SKP1: variants seen among roughly 807,000 people sequenced by gnomAD.
SKP1 encodes the protein S-phase kinase associated protein 1.
In SKP1, 1 loss-of-function variant was observed where a neutral mutation model predicts 21.5. That is an observed-to-expected ratio of 0.05 (90% CI 0.02 to 0.22). The LOEUF is 0.22. Ranked by LOEUF, SKP1 falls within the 10% of genes least tolerant of loss-of-function variation. The pLI, the probability that SKP1 is intolerant of heterozygous loss-of-function variation, is 1.00. For synonymous variants in SKP1, 59 were observed against 59.3 expected (o/e 0.99, Z 0.03); for missense variants, 70 against 192.0 (o/e 0.36, Z 3.76).
intron 5 of SKP1, 172 bp from the exon 6 acceptor site, chr5:134,157,940 C>T: frequency 6.5e-7 from 1 of 1,532,112 alleles, no homozygotes; most frequent in Non-Finnish European, 8.8e-7. Context: ...CTTTGCCTCC[C>T]ATGGTTTTTA....
At position 134,159,151 on chromosome 5, in the gene SKP1, C is replaced by T. The variant is rs1007302421; in HGVS notation, c.316-556G>A. On this transcript the variant is annotated intron_variant, in intron 4 of 5. Coordinates refer to ENST00000353411, the MANE Select transcript of SKP1 (RefSeq NM_170679.3). ...TTCTTTTCTAATAATATAGGTATTT[C>T]ATTCCATCAATTTCCCTCTAAGTAC... is the stretch of plus-strand genomic sequence containing the variant. Among the ~76,000 whole-genome samples the T allele has an allele frequency of 2.0e-5, 3 of 152,078 alleles. No individual in the cohort carries two copies. The East Asian group carries it at 5.8e-4, about 29-fold the overall frequency.
In SKP1 at chr5:134,167,033, G is replaced by A. The variant is rs1761345591; in HGVS notation, c.171+137C>T. 3.3e-5 allele frequency: 20 copies of A among 609,530 alleles called. No individual in the cohort carries two copies. In the South Asian group the frequency reaches 4.1e-4, roughly 12 times the overall value. 37.8% of individuals were successfully genotyped at this position (609,530 alleles called of 1,614,324 possible). A position where few individuals can be genotyped will look rare whatever the true frequency, so the allele number is the denominator to read the frequency against. Reference sequence around the variant, plus strand: ...ACATACAAACATCACTCAAGTAAGTGTTTAAGAACATTCAAATTTAAATGT... The same window carrying A: ...ACATACAAACATCACTCAAGTAAGTATTTAAGAACATTCAAATTTAAATGT... On this transcript the variant is annotated intron_variant, in intron 3 of 5. Transcript: ENST00000353411.
intron 2 of SKP1, chr5:134,173,689 T>G: frequency 1.7e-6 from 1 of 596,412 alleles, no homozygotes; most frequent in Admixed American, 2.2e-5. Context: ...ATCACTTCAA[T>G]GTTTATTTTA....
rs927280615 is a variant in SKP1, at chr5:134,167,039, G to A, written c.171+131C>T. 20 of 613,182 alleles carry A rather than the reference G, an allele frequency of 3.3e-5. No individual in the cohort carries two copies. In the African/African-American group the frequency reaches 3.4e-4, roughly 10 times the overall value. 38.0% of individuals were successfully genotyped at this position (613,182 alleles called of 1,614,324 possible). On this transcript the variant is annotated intron_variant, in intron 3 of 5. Transcript: ENST00000353411. ...AAACATCACTCAAGTAAGTGTTTAAGAACATTCAAATTTAAATGTAATTTT... is the reference window on the plus strand; with the variant it reads ...AAACATCACTCAAGTAAGTGTTTAAAAACATTCAAATTTAAATGTAATTTT...
rs1462204906 is a variant in SKP1 at position 134,151,833 on chromosome 5, A to T, written c.*5900T>A. ...CAAGTACATTATCAATGAATTAGCCATCTATCACTCAAACTATGTCCCGCA... is the reference window on the plus strand; with the variant it reads ...CAAGTACATTATCAATGAATTAGCCTTCTATCACTCAAACTATGTCCCGCA... On this transcript the variant is annotated 3_prime_UTR_variant, in exon 6 of 6. Transcript: ENST00000353411. 1 of 353,522 alleles carries T rather than the reference A, an allele frequency of 2.8e-6. No individual in the cohort carries two copies. The highest frequency in any genetic ancestry group is 7.7e-5 in the East Asian group (1 of 13,022). 21.9% of individuals were successfully genotyped at this position (353,522 alleles called of 1,614,324 possible).
chr5:134,172,898 G>A (rs1224287385), intron 2 of SKP1, among the ~76,000 whole-genome samples: 1 of 151,706 alleles, frequency 6.6e-6, no homozygotes, highest in Non-Finnish European at 1.5e-5. Flanking sequence ...TGTAATCCCA[G>A]CTACTCGGGA....
At chr5:134,173,867 A>G in intron 2 of SKP1, 59 bp downstream of exon 2, 8 of 933,836 alleles carry the variant, frequency 8.6e-6, no homozygotes, top group Middle Eastern at 2.1e-4. Flanking sequence ...TAAATTTGAT[A>G]TTCACAAACT....
At chr5:134,170,645 T>C (rs978488392) in intron 2 of SKP1, among the ~76,000 whole-genome samples, 2 of 152,392 alleles carry the variant, frequency 1.3e-5, no homozygotes, top group Non-Finnish European at 1.5e-5. Flanking sequence ...TAGAATCTTA[T>C]GTAAGCCATT....
chr5:134,169,829 G>A (rs1175896435), intron 2 of SKP1, among the ~76,000 whole-genome samples: 1 of 152,146 alleles, frequency 6.6e-6, no homozygotes, highest in Non-Finnish European at 1.5e-5. Context: ...GTGAAAACCC[G>A]TCTCTAATAA....
intron 2 of SKP1, 161 bp downstream of exon 2, chr5:134,173,765 A>G: frequency 1.4e-6 from 1 of 697,944 alleles, no homozygotes; most frequent in Non-Finnish European, 2.7e-6. Context: ...AGAAAGGATG[A>G]CCTGTATCAG....
At chr5:134,169,055 A>G (rs1397049774) in intron 2 of SKP1, among the ~76,000 whole-genome samples, 1 of 152,128 alleles carries the variant, frequency 6.6e-6, no homozygotes, top group South Asian at 2.1e-4. Context: ...TGCAGGCTTT[A>G]AAGACTGGAA....
chr5:134,169,947 G>A (rs1761408656), intron 2 of SKP1, among the ~76,000 whole-genome samples: 1 of 148,490 alleles, frequency 6.7e-6, no homozygotes, highest in African/African-American at 2.5e-5. Flanking sequence ...GCTGCAGTGA[G>A]CCGAGATTGT....
rs1043501776 is a variant in SKP1 at position 134,151,707 on chromosome 5, A to G, written c.*6026T>C. 13 of 456,142 alleles carry G rather than the reference A, an allele frequency of 2.8e-5. No individual in the cohort carries two copies. The highest frequency in any genetic ancestry group is 2.6e-4 in the African/African-American group (13 of 50,098). 28.3% of individuals were successfully genotyped at this position (456,142 alleles called of 1,614,324 possible). ...AGGTCGCAAGAACTACAGATGTGGA[A>G]GCAGACACTGTTATGAGCAACTACA... is the stretch of plus-strand genomic sequence containing the variant. On this transcript the variant is annotated 3_prime_UTR_variant, in exon 6 of 6. Coordinates refer to ENST00000353411, the MANE Select transcript of SKP1 (RefSeq NM_170679.3).
chr5:134,166,655 T>A (rs1348066379), intron 3 of SKP1, among the ~76,000 whole-genome samples: 1 of 127,356 alleles, frequency 7.9e-6, no homozygotes, highest in Non-Finnish European at 1.7e-5. Flanking sequence ...TATTACAAAA[T>A]ACTGAAAGGA....
At chr5:134,168,978 A>G (rs1761387583) in intron 2 of SKP1, among the ~76,000 whole-genome samples, 1 of 152,092 alleles carries the variant, frequency 6.6e-6, no homozygotes, top group Admixed American at 6.6e-5. Context: ...ATGCTATGAG[A>G]CTATCATCAA....
chr5:134,162,548 G>A (rs1247732394), intron 3 of SKP1, among the ~76,000 whole-genome samples: 5 of 152,098 alleles, frequency 3.3e-5, no homozygotes, highest in Non-Finnish European at 7.3e-5. Flanking sequence ...TGGGATTATA[G>A]GTGCCTGCCA....
chr5:134,152,476 CA>C lies in SKP1; in HGVS notation c.*5256del. ...TTGAAACCAAATTAGTTTCACTTTA[CA>C]AAACCTTTCGTAGCACCTTTCAGCT... On this transcript the variant is annotated 3_prime_UTR_variant, in exon 6 of 6. Transcript: ENST00000353411. The C allele has an allele frequency of 6.6e-6, 1 of 152,386 alleles. No individual in the cohort carries two copies. The highest frequency in any genetic ancestry group is 2.1e-4 in the South Asian group (1 of 4,822). The allele number at this position is 152,386 out of a possible 1,614,324, so 9.4% of individuals were successfully genotyped here.
chr5:134,173,426 G>GA, intron 2 of SKP1: 1 of 237,770 alleles, frequency 4.2e-6, no homozygotes, highest in Non-Finnish European at 8.5e-6. Flanking sequence ...AGAAGGTTGA[G>GA]GCTGCAGTGA....
chr5:134,157,770 TAA>T lies in SKP1; in HGVS notation c.457-4_457-3del. The T allele has an allele frequency of 6.2e-7, 1 of 1,612,592 alleles. No individual in the cohort carries two copies. The highest frequency in any genetic ancestry group is 1.1e-5 in the South Asian group (1 of 91,044). Reference sequence around the variant, plus strand: ...ACACCACTGGTTCTCTTTGCGTACCTAAAAGAGATGGATATAGGGAAGTACCT... The same window carrying T: ...ACACCACTGGTTCTCTTTGCGTACCTAAGAGATGGATATAGGGAAGTACCT... On this transcript the variant is annotated splice_region_variant and splice_polypyrimidine_tract_variant and intron_variant, in intron 5 of 5. Transcript: ENST00000353411.
Sources: allele counts gnomAD v4.1 joint callset (sites outside exome capture counted in the v4.1 genomes callset), GRCh38; gene constraint gnomAD v4.1.1; transcripts MANE v1.5; gene names NCBI Gene and HGNC (gene_info 2026-07-23, HGNC 2026-07-21).